Variants in MICU2 observed in about 807,000 individuals in gnomAD.
The protein encoded by MICU2 is mitochondrial calcium uptake 2.
A neutral mutation model predicts 60.4 loss-of-function variants in MICU2; 64 were observed. The observed-to-expected ratio is 1.06, with a 90% CI of 0.87 to 1.31. The LOEUF (loss-of-function observed/expected upper bound fraction) is 1.31, where lower values mean the gene tolerates loss of function less well. Among genes scored for constraint, MICU2 ranks in the 50% most tolerant of loss-of-function variants. MICU2 has a pLI of 0.00. For missense variants in MICU2, 569 were observed against 531.0 expected (o/e 1.07, Z -0.70); for synonymous variants, 201 against 175.0 (o/e 1.15, Z -1.17).
intron 2 of MICU2, among the ~76,000 whole-genome samples, chr13:21,543,561 T>C (rs1015518277): frequency 7.2e-5 from 11 of 152,244 alleles, no homozygotes; most frequent in Admixed American, 5.9e-4. Context: ...CCATTTGCAA[T>C]AGGTACAAAA....
At chr13:21,507,932 CTTTCTTTCTTTT>C (rs1249890103) in intron 8 of MICU2, among the ~76,000 whole-genome samples, 3 of 151,526 alleles carry the variant, frequency 2.0e-5, no homozygotes, top group African/African-American at 7.3e-5. Flanking sequence ...TTCTCTCTTT[CTTTCTTTCTTTT>C]TTTTGACAGA....
chr13:21,557,146 T>C (rs1887727850), intron 2 of MICU2, among the ~76,000 whole-genome samples: 1 of 152,086 alleles, frequency 6.6e-6, no homozygotes, highest in East Asian at 1.9e-4. Context: ...ATAGGTGCAT[T>C]GGGTATTAGA....
chr13:21,587,308 C>A (rs1040930040), intron 1 of MICU2, among the ~76,000 whole-genome samples: 1 of 152,168 alleles, frequency 6.6e-6, no homozygotes, highest in Non-Finnish European at 1.5e-5. Flanking sequence ...TATCTCCCCA[C>A]AAAATACTTA....
intron 2 of MICU2, among the ~76,000 whole-genome samples, chr13:21,564,777 G>A (rs944069383): frequency 6.6e-6 from 1 of 152,108 alleles, no homozygotes; most frequent in African/African-American, 2.4e-5. Flanking sequence ...TGAGGAAGAG[G>A]GGAGAACATT....
chr13:21,496,284 G>A (rs1593311270), intron 9 of MICU2, 124 bp from the exon 10 acceptor site: 4 of 700,208 alleles, frequency 5.7e-6, no homozygotes, highest in Non-Finnish European at 9.4e-6. Flanking sequence ...AGACAACAGA[G>A]CTTTCTCTGT....
intron 8 of MICU2, among the ~76,000 whole-genome samples, chr13:21,505,952 C>G (rs974796251): frequency 6.6e-6 from 1 of 152,068 alleles, no homozygotes; most frequent in African/African-American, 2.4e-5. Flanking sequence ...ATGTAAGTAC[C>G]TGCCAGTTGC....
At chr13:21,505,242 A>C (rs546075846) in intron 8 of MICU2, among the ~76,000 whole-genome samples, 1 of 152,302 alleles carries the variant, frequency 6.6e-6, no homozygotes, top group Admixed American at 6.5e-5. Context: ...TGGAGTTTAA[A>C]AGAAGAGAAA....
chr13:21,555,109 C>T (rs1887670699), intron 2 of MICU2, among the ~76,000 whole-genome samples: 1 of 152,182 alleles, frequency 6.6e-6, no homozygotes, highest in Non-Finnish European at 1.5e-5. Flanking sequence ...AAGCTGATAC[C>T]ATTCCTTCTG....
intron 9 of MICU2, 128 bp downstream of exon 9, chr13:21,502,798 T>C (rs1276041765): frequency 1.5e-5 from 12 of 823,926 alleles, no homozygotes; most frequent in Non-Finnish European, 2.3e-5. Flanking sequence ...GTAGAGAACA[T>C]TCCTCAAGTT....
intron 4 of MICU2, among the ~76,000 whole-genome samples, chr13:21,529,714 G>A (rs900506642): frequency 6.6e-6 from 1 of 152,192 alleles, no homozygotes; most frequent in African/African-American, 2.4e-5. Flanking sequence ...GTAAGTCACT[G>A]TAACCTTGAA....
intron 9 of MICU2, among the ~76,000 whole-genome samples, chr13:21,499,732 T>C (rs973425441): frequency 6.6e-6 from 1 of 151,236 alleles, no homozygotes; most frequent in African/African-American, 2.4e-5. Context: ...TCTGTACATC[T>C]ATCAGAGGCA....
chr13:21,571,001 T>A (rs757130620), intron 1 of MICU2, among the ~76,000 whole-genome samples: 3 of 152,222 alleles, frequency 2.0e-5, no homozygotes, highest in Non-Finnish European at 4.4e-5. Flanking sequence ...TTTCCTTTCT[T>A]TCTTCACTTC....
At chr13:21,502,717 T>C (rs534663579) in intron 9 of MICU2, 6 of 462,268 alleles carry the variant, frequency 1.3e-5, no homozygotes, top group Admixed American at 4.3e-5. Context: ...TTGACTTTAC[T>C]GGAAATGGAA....
chr13:21,520,990 T>C (rs1886703932), intron 6 of MICU2, among the ~76,000 whole-genome samples: 1 of 152,164 alleles, frequency 6.6e-6, no homozygotes, highest in South Asian at 2.1e-4. Flanking sequence ...TATTATTTGC[T>C]GAAATCATAA....
chr13:21,603,967 C>A lies in MICU2; in HGVS notation c.182G>T (p.Arg61Leu), dbSNP rs749312209. 3 of 1,612,510 alleles carry A rather than the reference C, an allele frequency of 1.9e-6. No individual in the cohort carries two copies. Among genetic ancestry groups the A allele is most frequent in the South Asian group, 1.1e-5 (1 of 91,056 alleles). Residue 61 changes from arginine to leucine, a missense_variant, in exon 1 of 12, where the codon CGG (arginine) becomes CTG (leucine). Transcript: ENST00000382374. ...TGCGGAGACTGTAAAACTGCCATCC[C>A]GCGCCGCAACACTGACGCGGCTGTG... ...WHHSRVSVAARDGSFTVSAQK... is the reference protein window; with the variant it reads ...WHHSRVSVAALDGSFTVSAQK...
At position 21,513,242 on chromosome 13, in the gene MICU2, T is replaced by A. The variant is rs189789240; in HGVS notation, c.663+1111A>T. ...TCAATAGGCCTTTTATTTCCTTGTC[T>A]TGCCTTACTGGAGTGGCTAGAACTT... On this transcript the variant is annotated intron_variant, in intron 7 of 11. Transcript: ENST00000382374. Among the ~76,000 whole-genome samples, 333 of 152,314 alleles carry A rather than the reference T, an allele frequency of 2.2e-3. 1 individual carries two copies. The highest frequency in any genetic ancestry group is 7.8e-3 in the African/African-American group (324 of 41,554).
chr13:21,600,428 A>C lies in MICU2; in HGVS notation c.210+3511T>G, dbSNP rs1566174127. Among the ~76,000 whole-genome samples the C allele has an allele frequency of 3.3e-5, 5 of 152,306 alleles. No individual in the cohort carries two copies. The South Asian group carries it at 1.0e-3, about 32-fold the overall frequency. ...AGACTTTGTGAAATACTCTTCCACT[A>C]TGCTTCCACAGCACCCAGTATTTAA... is the stretch of plus-strand genomic sequence containing the variant. On this transcript the variant is annotated intron_variant, in intron 1 of 11. Coordinates refer to ENST00000382374, the MANE Select transcript of MICU2 (RefSeq NM_152726.3).
chr13:21,520,270 T>C (rs1333075449), intron 6 of MICU2, among the ~76,000 whole-genome samples: 1 of 152,224 alleles, frequency 6.6e-6, no homozygotes, highest in South Asian at 2.1e-4. Context: ...CATATTAATA[T>C]ACAGGTCTTG....
chr13:21,561,351 G>A (rs1365896856), intron 2 of MICU2, among the ~76,000 whole-genome samples: 1 of 152,004 alleles, frequency 6.6e-6, no homozygotes. Context: ...ATCCTTATTG[G>A]TTTTCTGTCT....
Sources: gnomAD v4.1 joint callset for allele counts (sites outside exome capture counted in the v4.1 genomes callset) on GRCh38, gnomAD v4.1.1 for gene constraint, MANE v1.5 for transcripts, NCBI Gene and HGNC (gene_info 2026-07-23, HGNC 2026-07-21) for gene names.